MMP28: variants seen among roughly 807,000 people sequenced by gnomAD.
The protein encoded by MMP28 is matrix metalloproteinase-28.
Under a neutral mutation model 60.5 loss-of-function variants are expected in MMP28, and 55 were observed. The observed-to-expected ratio is 0.91, with a 90% confidence interval of 0.73 to 1.14. MMP28 has a LOEUF of 1.14. Among genes scored for constraint, MMP28 ranks in the 50% most tolerant of loss-of-function variants. The pLI, the probability that MMP28 is intolerant of heterozygous loss-of-function variation, is 0.00. For synonymous variants in MMP28, 318 were observed against 312.5 expected, an observed-to-expected ratio of 1.02 and a Z score of -0.18; for missense variants, 686 against 738.3, an observed-to-expected ratio of 0.93 and a Z score of 0.82.
chr17:35,779,877 T>C (rs1160901514), intron 1 of MMP28, among the ~76,000 whole-genome samples: 2 of 152,182 alleles, frequency 1.3e-5, no homozygotes, highest in Non-Finnish European at 2.9e-5. Flanking sequence ...ATATGTGTTA[T>C]GCGTTACGTG....
chr17:35,767,256 T>C lies in MMP28; in HGVS notation c.1169-362A>G, dbSNP rs2085975889. Among the ~76,000 whole-genome samples, 3 of 152,324 alleles carry C rather than the reference T, an allele frequency of 2.0e-5. No individual in the cohort carries two copies. The South Asian group carries it at 6.2e-4, about 32-fold the overall frequency. On this transcript the variant is annotated intron_variant, in intron 7 of 7. Coordinates refer to ENST00000605424, the MANE Select transcript of MMP28 (RefSeq NM_024302.5). ...ACCACGTCTAGTGCATACAAGGCAC[T>C]CAATATTGGTTGAATGAATGAACAA...
intron 3 of MMP28, among the ~76,000 whole-genome samples, chr17:35,773,701 C>T (rs74987262): frequency 0.011 from 1,646 of 152,330 alleles, 17 homozygotes; most frequent in Non-Finnish European, 0.016. Context: ...GAGAAGCCCC[C>T]AATCTGAAGA....
intron 3 of MMP28, among the ~76,000 whole-genome samples, chr17:35,776,422 C>T (rs557310446): frequency 8.6e-5 from 13 of 151,880 alleles, no homozygotes; most frequent in Admixed American, 5.2e-4. Flanking sequence ...GTGATCCTCC[C>T]GCCTCAGCCT....
chr17:35,780,072 A>AT (rs1316524522), intron 1 of MMP28, among the ~76,000 whole-genome samples: 8 of 151,680 alleles, frequency 5.3e-5, no homozygotes, highest in Admixed American at 2.6e-4. Context: ...TATTTATTTT[A>AT]TTTATTTTTT....
At chr17:35,759,286 G>A (rs1169503154) in intron 2 of MMP28, among the ~76,000 whole-genome samples, 10 of 152,214 alleles carry the variant, frequency 6.6e-5, no homozygotes, top group African/African-American at 2.4e-4. Context: ...GTTTATGCAT[G>A]TCTTGAAAGC....
chr17:35,779,437 G>T (rs951892894), intron 1 of MMP28, 114 bp from the exon 2 acceptor site: 1 of 841,342 alleles, frequency 1.2e-6, no homozygotes, highest in Non-Finnish European at 1.9e-6. Context: ...TTTTGCCCAA[G>T]AGGGTCTATA....
intron 3 of MMP28, among the ~76,000 whole-genome samples, chr17:35,777,315 C>T (rs900638248): frequency 1.3e-5 from 2 of 152,218 alleles, no homozygotes; most frequent in African/African-American, 4.8e-5. Context: ...CCCAGAAACA[C>T]GGTGGGACAC....
chr17:35,768,337 T>C lies in MMP28; in HGVS notation c.893A>G (p.Lys298Arg), dbSNP rs777501875. ...CCAGGTCTCAAAGTCAGTGAACAGC[T>C]TTCCTGGGAGCTGGACGGCCACTGA... ...GGSVAVQLPG[K>R]LFTDFETWDS... The change falls in exon 6 of 8, where the codon AAG becomes AGG. Residue 298 changes from lysine (K) to arginine (R), a missense_variant. Transcript: ENST00000605424. The C allele has an allele frequency of 1.2e-6, 2 of 1,612,916 alleles. No homozygotes were observed. Among genetic ancestry groups the C allele is most frequent in the East Asian group, 4.5e-5 (2 of 44,878 alleles).
chr17:35,763,268 C>CA (rs1199377540), downstream of MMP28, among the ~76,000 whole-genome samples: 61 of 146,332 alleles, frequency 4.2e-4, no homozygotes, highest in East Asian at 6.0e-4. Flanking sequence ...GACCCTGTCT[C>CA]AAAAAAAAAA....
chr17:35,790,345 A>T (rs1467888231), intron 1 of MMP28, among the ~76,000 whole-genome samples: 2 of 152,142 alleles, frequency 1.3e-5, no homozygotes, highest in African/African-American at 4.8e-5. Flanking sequence ...GATTACAGGC[A>T]TGAGCCATCA....
chr17:35,782,904 G>C (rs2086546878), intron 1 of MMP28, among the ~76,000 whole-genome samples: 1 of 152,118 alleles, frequency 6.6e-6, no homozygotes, highest in Non-Finnish European at 1.5e-5. Context: ...TCAGCTCACT[G>C]CAAGCTCTGC....
intron 6 of MMP28, 44 bp downstream of exon 6, chr17:35,768,186 A>ATGGAAGGAGAGAAAGAAGCAAAGCACC (rs781079806): frequency 4.5e-6 from 7 of 1,557,292 alleles, no homozygotes; most frequent in Non-Finnish European, 6.1e-6. Flanking sequence ...ACTAAGAGAT[A>ATGGAAGGAGAGAAAGAAGCAAAGCACC]TGGAAGGAGA....
intron 1 of MMP28, among the ~76,000 whole-genome samples, chr17:35,780,310 C>T (rs925549594): frequency 6.6e-6 from 1 of 152,030 alleles, no homozygotes; most frequent in African/African-American, 2.4e-5. Flanking sequence ...TCAGGCGGTC[C>T]ACCCACCTCA....
downstream of MMP28, among the ~76,000 whole-genome samples, chr17:35,761,790 G>A (rs1348227335): frequency 1.3e-5 from 2 of 152,080 alleles, no homozygotes; most frequent in African/African-American, 2.4e-5. Context: ...ATTCCATAGC[G>A]CAGCACTCAA....
In MMP28 at chr17:35,778,872, T is replaced by C. The variant is rs2086410050; in HGVS notation, c.379+16A>G. On this transcript the variant is annotated intron_variant, in intron 3 of 7. Coordinates refer to ENST00000605424, the MANE Select transcript of MMP28 (RefSeq NM_024302.5). ...ATTGGGAAATCTTGGCCTAGCCGGA[T>C]TTTAACAGTGCTCACCTTGCTTTGC... 6.2e-7 allele frequency: 1 copy of C among 1,613,928 alleles called. No homozygotes were observed. The highest frequency in any genetic ancestry group is 1.7e-5 in the Admixed American group (1 of 60,010).
chr17:35,778,579 A>T (rs2086400445), intron 3 of MMP28: 3 of 478,294 alleles, frequency 6.3e-6, no homozygotes, highest in East Asian at 3.7e-5. Flanking sequence ...AGTAAATATA[A>T]ATGAAAAATG....
chr17:35,779,246 G>A lies in MMP28; in HGVS notation c.189C>T (p.Ile63=), dbSNP rs566497354. The A allele has an allele frequency of 1.0e-4, 163 of 1,611,480 alleles. No individual in the cohort carries two copies. Among genetic ancestry groups the A allele is most frequent in the Non-Finnish European group, 1.3e-4 (154 of 1,178,948 alleles). ...APTSTRFSDA[I]RAFQWVSQLP... The stretch of plus-strand genomic sequence containing the variant: ...TCCTCCACATCCCTCCACCCTACCT[G>A]ATGGCATCGCTGAATCGAGTGGAGG... The change falls in exon 2 of 8, where the codon ATC becomes ATT. Residue 63 remains isoleucine (I), a splice_region_variant and synonymous_variant. Transcript: ENST00000605424.
At chr17:35,764,619 G>T, downstream of MMP28, 1 of 1,578,394 alleles carries the variant, frequency 6.3e-7, no homozygotes, top group South Asian at 1.2e-5. Context: ...GAACTCCTGA[G>T]CGCCCCCGCT....
At chr17:35,764,201 T>C, downstream of MMP28, 1 of 1,547,620 alleles carries the variant, frequency 6.5e-7, no homozygotes, top group Non-Finnish European at 8.7e-7. Flanking sequence ...CTCAGTGTCC[T>C]ACTGCCCGCT....
Sources: allele counts gnomAD v4.1 joint callset (sites outside exome capture counted in the v4.1 genomes callset), GRCh38; gene constraint gnomAD v4.1.1; transcripts MANE v1.5; gene names NCBI Gene and HGNC (gene_info 2026-07-23, HGNC 2026-07-21).